NSD1: variants seen among roughly 807,000 people sequenced by gnomAD.
NSD1 encodes nuclear receptor binding SET domain protein 1.
A neutral mutation model predicts 242.7 loss-of-function variants in NSD1; 26 were observed. The observed-to-expected ratio is 0.11, with a 90% CI of 0.08 to 0.15. NSD1 has a LOEUF of 0.15. Among genes scored for constraint, NSD1 ranks in the 10% least tolerant of loss-of-function variants. The probability of loss-of-function intolerance (pLI) is 1.00; values close to 1 mark genes in which losing one functional copy is unlikely to be tolerated. For missense variants in NSD1, 2,495 were observed against 3,272.8 expected (o/e 0.76, Z 5.80); for synonymous variants, 1,106 against 1,178.1 (o/e 0.94, Z 1.25).
intron 5 of NSD1, among the ~76,000 whole-genome samples, chr5:177,218,940 T>A (rs1764019322): frequency 6.6e-6 from 1 of 151,966 alleles, no homozygotes; most frequent in African/African-American, 2.4e-5. Flanking sequence ...TTTAATTTGA[T>A]ATACTAGTAT....
intron 14 of NSD1, chr5:177,265,396 C>T (rs1757337987): frequency 3.3e-6 from 2 of 599,792 alleles, no homozygotes. Context: ...ATAAATGCAG[C>T]CATCTAAAAA....
Position 177,135,572 on chromosome 5 carries a change from A to T in NSD1, c.469A>T (p.Thr157Ser). 1 of 1,614,234 alleles carries T rather than the reference A, an allele frequency of 6.2e-7. No individual in the cohort carries two copies. The highest frequency in any genetic ancestry group is 1.1e-5 in the South Asian group (1 of 91,086). The change falls in exon 2 of 23, where the codon ACT becomes TCT. Residue 157 changes from threonine to serine, a missense_variant. By Grantham distance (58) the Thr-to-Ser change is moderately conservative. Around this residue, in one of 19 missense-constraint regions of NSD1, gnomAD observed 376 missense variants for 367.4 expected, o/e 1.02. Coordinates refer to ENST00000439151, the MANE Select transcript of NSD1 (RefSeq NM_022455.5). The stretch of plus-strand genomic sequence containing the variant: ...TGGCTTTCTGCACTTTGAGAATTTT[A>T]CTTGTGTGGACGATGCAGATGTAGA... Reference protein sequence around the residue: ...KNGFLHFENFTCVDDADVDSE... With the variant: ...KNGFLHFENFSCVDDADVDSE...
At chr5:177,254,242 T>A (rs1172448741) in intron 12 of NSD1, among the ~76,000 whole-genome samples, 1 of 152,052 alleles carries the variant, frequency 6.6e-6, no homozygotes, top group Admixed American at 6.5e-5. Context: ...CCACTGCACC[T>A]GGCCAACTTT....
rs2149843256 is a variant in NSD1 at position 177,210,000 on chromosome 5, G to C, written c.1601G>C (p.Gly534Ala). ...ERRGKIPENL[G>A]LNFISGDISD... ...AGGGGAAAGATTCCAGAGAACCTTG[G>C]CCTAAACTTTATCTCTGGGGATATA... Residue 534 changes from glycine to alanine, a missense_variant, in exon 5 of 23, where the codon GGC becomes GCC. Physicochemically the swap from Gly to Ala is moderately conservative, Grantham distance 60. Coordinates refer to ENST00000439151, the MANE Select transcript of NSD1 (RefSeq NM_022455.5). 2 of 1,614,116 alleles carry C rather than the reference G, an allele frequency of 1.2e-6. No homozygotes were observed. Among genetic ancestry groups the C allele is most frequent in the Non-Finnish European group, 1.7e-6 (2 of 1,180,028 alleles).
chr5:177,134,193 G>C lies in NSD1; in HGVS notation c.-18+241G>C. 6.6e-6 allele frequency: 1 copy of C among 151,126 alleles called. No homozygotes were observed. Among genetic ancestry groups the C allele is most frequent in the Admixed American group, 6.6e-5 (1 of 15,214 alleles). The allele number at this position is 151,126 out of a possible 1,614,324, so 9.4% of individuals were successfully genotyped here. A position where few individuals can be genotyped will look rare whatever the true frequency, so the allele number is the denominator to read the frequency against. Reference sequence around the variant, plus strand: ...GCTGCCGCGAACTTCCTCCCGGCGCGGCCCGTGCCCCGCCGGCCGCCTGCG... The same window carrying C: ...GCTGCCGCGAACTTCCTCCCGGCGCCGCCCGTGCCCCGCCGGCCGCCTGCG... On this transcript the variant is annotated intron_variant, in intron 1 of 22. Transcript: ENST00000439151. The surrounding 1 kb of genome is among the most constrained non-coding windows in gnomAD (Gnocchi z 4.2).
At chr5:177,191,638 T>C (rs1445647153) in intron 2 of NSD1, among the ~76,000 whole-genome samples, 1 of 152,216 alleles carries the variant, frequency 6.6e-6, no homozygotes, top group African/African-American at 2.4e-5. Context: ...CTTAATTTTA[T>C]TTTCAAAATA....
rs1352188570 is a variant in NSD1, at chr5:177,265,169, A to G, written c.5147-2393A>G. ...AGCACTAGCTTGCTCCACTCAGAGA[A>G]GCATACTTTGTGAGAACCAATGGGA... On this transcript the variant is annotated intron_variant, in intron 14 of 22. Coordinates refer to ENST00000439151, the MANE Select transcript of NSD1 (RefSeq NM_022455.5). The G allele has an allele frequency of 1.0e-5, 8 of 766,290 alleles. No homozygotes were observed. In the East Asian group the frequency reaches 2.0e-4, roughly 19 times the overall value. The allele number at this position is 766,290 out of a possible 1,614,324, so 47.5% of individuals were successfully genotyped here.
At chr5:177,250,567 T>G (rs1371583420) in intron 11 of NSD1, among the ~76,000 whole-genome samples, 5 of 152,284 alleles carry the variant, frequency 3.3e-5, no homozygotes, top group South Asian at 2.1e-4. Flanking sequence ...GGTCAGTTTT[T>G]TTTTTTTTTT....
intron 2 of NSD1, among the ~76,000 whole-genome samples, chr5:177,159,030 G>GAT (rs35942745): frequency 0.048 from 5,426 of 113,570 alleles, 174 homozygotes; most frequent in African/African-American, 0.052. Flanking sequence ...ATATATGAAT[G>GAT]ATATATATAT....
At chr5:177,290,269 C>A (rs999058029) in intron 21 of NSD1, among the ~76,000 whole-genome samples, 1 of 150,350 alleles carries the variant, frequency 6.7e-6, no homozygotes, top group Non-Finnish European at 1.5e-5. Context: ...GTGAAAATTG[C>A]AGTTTAATTT....
intron 2 of NSD1, among the ~76,000 whole-genome samples, chr5:177,186,737 C>G (rs1321307157): frequency 3.3e-5 from 5 of 152,106 alleles, no homozygotes; most frequent in Non-Finnish European, 4.4e-5. Context: ...GCCTATAATG[C>G]CAGCACTTTG....
intron 2 of NSD1, among the ~76,000 whole-genome samples, chr5:177,146,777 C>T (rs1371448847): frequency 1.3e-5 from 2 of 151,484 alleles, no homozygotes; most frequent in African/African-American, 4.8e-5. Flanking sequence ...GCTGAGGCGG[C>T]TGGATCACCT....
chr5:177,273,041 A>G (rs1052316768), intron 16 of NSD1, among the ~76,000 whole-genome samples: 8 of 152,164 alleles, frequency 5.3e-5, no homozygotes, highest in African/African-American at 1.9e-4. Flanking sequence ...AGTGAGCACA[A>G]TATCTGGGGC....
In NSD1 at chr5:177,209,877, C is replaced by T. The variant is rs140583358; in HGVS notation, c.1478C>T (p.Pro493Leu). Residue 493 changes from proline (P) to leucine (L), a missense_variant, in exon 5 of 23, where the codon CCT becomes CTT. By Grantham distance (98) the Pro-to-Leu change is moderately conservative. Transcript: ENST00000439151. ...SEHSADEKEK[P>L]CAKSRARKSS... ...CATTCTGCAGATGAGAAGGAAAAGC[C>T]TTGCGCTAAATCTCGAGCCAGAAAG... 2.1e-4 allele frequency: 337 copies of T among 1,614,000 alleles called. No homozygotes were observed. Among genetic ancestry groups the T allele is most frequent in the Non-Finnish European group, 2.5e-4 (297 of 1,180,038 alleles).
chr5:177,142,902 A>G (rs1183215432), intron 2 of NSD1, among the ~76,000 whole-genome samples: 1 of 152,078 alleles, frequency 6.6e-6, no homozygotes, highest in Non-Finnish European at 1.5e-5. Context: ...TCCAAATCTG[A>G]TGCTAGAGCC....
At chr5:177,159,822 C>T (rs1245540873) in intron 2 of NSD1, among the ~76,000 whole-genome samples, 1 of 152,060 alleles carries the variant, frequency 6.6e-6, no homozygotes, top group Non-Finnish European at 1.5e-5. Context: ...CTCCTGACCT[C>T]AGGTGATCCG....
At chr5:177,290,045 G>T (rs1016888899) in intron 21 of NSD1, among the ~76,000 whole-genome samples, 2 of 151,554 alleles carry the variant, frequency 1.3e-5, no homozygotes, top group African/African-American at 4.9e-5. Context: ...AGCCAGGTTG[G>T]TCTCGATCTC....
intron 14 of NSD1, chr5:177,265,023 G>C: frequency 2.6e-6 from 2 of 772,966 alleles, no homozygotes; most frequent in East Asian, 2.4e-5. Flanking sequence ...CTTGCCAAGA[G>C]ATTTCATGTG....
At chr5:177,289,802 TCTC>T (rs1303131009) in intron 21 of NSD1, among the ~76,000 whole-genome samples, 4 of 151,848 alleles carry the variant, frequency 2.6e-5, no homozygotes, top group Admixed American at 6.6e-5. Context: ...ATGTCTATAT[TCTC>T]CTTATTTTTT....
Sources: gnomAD v4.1 joint callset for allele counts (sites outside exome capture counted in the v4.1 genomes callset) on GRCh38, gnomAD v4.1.1 for gene constraint, gnomAD v4.1.1 regional missense constraint, Gnocchi (gnomAD v3.1) non-coding constraint, MANE v1.5 for transcripts, NCBI Gene and HGNC (gene_info 2026-07-23, HGNC 2026-07-21) for gene names.